The following TRIR variants were observed in gnomAD, a reference collection of about 807,000 sequenced individuals.
TRIR encodes the protein telomerase RNA component-interacting RNase.
In TRIR, 5 loss-of-function variants were observed where a neutral mutation model predicts 18.2. That is an observed-to-expected ratio of 0.27 (90% CI 0.14 to 0.58). The LOEUF is 0.58. Among genes scored for constraint, TRIR ranks in the 20% least tolerant of loss-of-function variants. TRIR has a pLI of 0.91. For missense variants in TRIR, 206 were observed against 252.8 expected, an observed-to-expected ratio of 0.81 and a Z score of 1.25; for synonymous variants, 134 against 114.4, an observed-to-expected ratio of 1.17 and a Z score of -1.10.
At chr19:12,733,901 C>T (rs1967480629) in intron 1 of TRIR, among the ~76,000 whole-genome samples, 1 of 152,176 alleles carries the variant, frequency 6.6e-6, no homozygotes, top group South Asian at 2.1e-4. Context: ...AAGCAATTGT[C>T]CTAGATAAGT....
intron 1 of TRIR, among the ~76,000 whole-genome samples, chr19:12,733,697 C>T (rs1967476162): frequency 6.6e-6 from 1 of 152,092 alleles, no homozygotes; most frequent in African/African-American, 2.4e-5. Context: ...TCATAAAACC[C>T]TCACCACATC....
In TRIR at chr19:12,731,180, G is replaced by A. The variant is rs75619212; in HGVS notation, c.424-112C>T. 8,106 of 1,280,492 alleles carry A rather than the reference G, an allele frequency of 6.3e-3. 375 individuals carry two copies. The African/African-American group carries it at 0.1, about 16-fold the overall frequency. The allele number at this position is 1,280,492 out of a possible 1,614,324, so 79.3% of individuals were successfully genotyped here. A position where few individuals can be genotyped will look rare whatever the true frequency, so the allele number is the denominator to read the frequency against. On this transcript the variant is annotated intron_variant, in intron 2 of 2. Transcript: ENST00000242784. This position sits in a 1 kb window ranked among gnomAD's most constrained non-coding sequence, Gnocchi z 5.1. ...ACCCAGAAGACTCTGGGTTTGAGCTGAAGATTATAAAGTCAAGTTATCTGG... is the reference window on the plus strand; with the variant it reads ...ACCCAGAAGACTCTGGGTTTGAGCTAAAGATTATAAAGTCAAGTTATCTGG...
Position 12,734,264 on chromosome 19 carries a change from G to T in TRIR, c.345+49C>A. 7.3e-7 allele frequency: 1 copy of T among 1,370,482 alleles called. No homozygotes were observed. The allele number at this position is 1,370,482 out of a possible 1,614,324, so 84.9% of individuals were successfully genotyped here. A position where few individuals can be genotyped will look rare whatever the true frequency, so the allele number is the denominator to read the frequency against. ...TCCCCCTTCACGGGCCCCGACTCCC[G>T]CTGCCAAGACAGGCCGTGGCGCCCG... is the stretch of plus-strand genomic sequence containing the variant. On this transcript the variant is annotated intron_variant, in intron 1 of 2. Transcript: ENST00000242784. The surrounding 1 kb of genome is among the most constrained non-coding windows in gnomAD (Gnocchi z 4.1).
At position 12,734,222 on chromosome 19, in the gene TRIR, G is replaced by A; in HGVS notation, c.345+91C>T. The A allele has an allele frequency of 8.1e-7, 1 of 1,241,956 alleles. No homozygotes were observed. Among genetic ancestry groups the A allele is most frequent in the Admixed American group, 3.9e-5 (1 of 25,782 alleles). 76.9% of individuals were successfully genotyped at this position (1,241,956 alleles called of 1,614,324 possible). A position where few individuals can be genotyped will look rare whatever the true frequency, so the allele number is the denominator to read the frequency against. ...ACGGGCCCCTCATTCAGAACGGAAA[G>A]TGGACTTCGGTCCCGATCCCCCTTC... On this transcript the variant is annotated intron_variant, in intron 1 of 2. Coordinates refer to ENST00000242784, the MANE Select transcript of TRIR (RefSeq NM_024038.4). The surrounding 1 kb of genome is among the most constrained non-coding windows in gnomAD (Gnocchi z 4.1).
chr19:12,731,703 G>A lies in TRIR; in HGVS notation c.346-282C>T. On this transcript the variant is annotated intron_variant, in intron 1 of 2. Transcript: ENST00000242784. This position sits in a 1 kb window ranked among gnomAD's most constrained non-coding sequence, Gnocchi z 5.1. ...CGCCAAGGCCTCACCCTCCCTAGCA[G>A]GGACCACAAGAGGTGGCAACAGCTC... 2.1e-6 allele frequency: 1 copy of A among 470,498 alleles called. No homozygotes were observed. Among genetic ancestry groups the A allele is most frequent in the East Asian group, 3.7e-5 (1 of 27,344 alleles). The allele number at this position is 470,498 out of a possible 1,614,324, so 29.1% of individuals were successfully genotyped here. A position where few individuals can be genotyped will look rare whatever the true frequency, so the allele number is the denominator to read the frequency against.
At position 12,734,428 on chromosome 19, in the gene TRIR, T is replaced by C; in HGVS notation, c.230A>G (p.Gln77Arg). 1 of 1,525,542 alleles carries C rather than the reference T, an allele frequency of 6.6e-7. No individual in the cohort carries two copies. Among genetic ancestry groups the C allele is most frequent in the Non-Finnish European group, 8.8e-7 (1 of 1,137,156 alleles). The allele number at this position is 1,525,542 out of a possible 1,614,324, so 94.5% of individuals were successfully genotyped here. A position where few individuals can be genotyped will look rare whatever the true frequency, so the allele number is the denominator to read the frequency against. ...ELFKRKMEEE[Q>R]RQRQEEPPPG... is the part of the protein sequence containing the mutation. The stretch of plus-strand genomic sequence containing the variant: ...GGGCGGCTCCTCCTGCCGCTGCCGC[T>C]GCTCCTCCTCCATCTTCCGCTTGAA... Residue 77 changes from glutamine to arginine, a missense_variant, in exon 1 of 3, where the codon CAG becomes CGG. Gln to Arg is a conservative substitution (Grantham distance 43). Transcript: ENST00000242784. The surrounding 1 kb of genome is among the most constrained non-coding windows in gnomAD (Gnocchi z 4.1).
At chr19:12,733,540 T>C (rs145868169) in intron 1 of TRIR, among the ~76,000 whole-genome samples, 2,376 of 152,224 alleles carry the variant, frequency 0.016, 37 homozygotes, top group Middle Eastern at 0.082. Flanking sequence ...TAGATGTCAC[T>C]AGCACCCCCT....
intron 1 of TRIR, among the ~76,000 whole-genome samples, chr19:12,732,896 G>T (rs1451938838): frequency 6.6e-6 from 1 of 151,938 alleles, no homozygotes; most frequent in Non-Finnish European, 1.5e-5. Flanking sequence ...GGCCTGCTGG[G>T]ATTATTTCAC....
In TRIR at chr19:12,730,891, G is replaced by T. The variant is rs999708749; in HGVS notation, c.*70C>A. 4.3e-5 allele frequency: 61 copies of T among 1,409,602 alleles called. No homozygotes were observed. Among genetic ancestry groups the T allele is most frequent in the Non-Finnish European group, 5.6e-5 (56 of 997,360 alleles). The allele number at this position is 1,409,602 out of a possible 1,614,324, so 87.3% of individuals were successfully genotyped here. A position where few individuals can be genotyped will look rare whatever the true frequency, so the allele number is the denominator to read the frequency against. ...AGTCCTCTCAGGGAAGGCTGTCGCC[G>T]CTGCCGCTGCATTAAATAGTTATGT... On this transcript the variant is annotated 3_prime_UTR_variant, in exon 3 of 3. Transcript: ENST00000242784.
In TRIR at chr19:12,734,320, A is replaced by C; in HGVS notation, c.338T>G (p.Leu113Arg). The C allele has an allele frequency of 1.4e-6, 2 of 1,417,534 alleles. No individual in the cohort carries two copies. Among genetic ancestry groups the C allele is most frequent in the South Asian group, 1.5e-5 (1 of 65,878 alleles). The allele number at this position is 1,417,534 out of a possible 1,614,324, so 87.8% of individuals were successfully genotyped here. A position where few individuals can be genotyped will look rare whatever the true frequency, so the allele number is the denominator to read the frequency against. ...ACCCCCACGGCTCCTTACGAAGCTAAGTGTGGAGCCCGGACCGCCCTTCCT... is the reference window on the plus strand; with the variant it reads ...ACCCCCACGGCTCCTTACGAAGCTACGTGTGGAGCCCGGACCGCCCTTCCT... ...PKRKGGPGST[L>R]SFVGKRRGGN... The change falls in exon 1 of 3, where the codon CTT becomes CGT. Residue 113 changes from leucine to arginine, a missense_variant. Physicochemically the swap from Leu to Arg is moderately radical, Grantham distance 102. Transcript: ENST00000242784. The surrounding 1 kb of genome is among the most constrained non-coding windows in gnomAD (Gnocchi z 4.1).
chr19:12,733,657 C>G (rs1967475226), intron 1 of TRIR, among the ~76,000 whole-genome samples: 1 of 152,180 alleles, frequency 6.6e-6, no homozygotes, highest in Admixed American at 6.5e-5. Context: ...GGAAGACAGG[C>G]TCTGTGCTAA....
In TRIR at chr19:12,731,544, G is replaced by A. The variant is rs749528565; in HGVS notation, c.346-123C>T. The A allele has an allele frequency of 2.9e-5, 30 of 1,031,180 alleles. No homozygotes were observed. The highest frequency in any genetic ancestry group is 5.5e-5 in the Admixed American group (2 of 36,692). The allele number at this position is 1,031,180 out of a possible 1,614,324, so 63.9% of individuals were successfully genotyped here. ...CCGTCCTGACGCCGCGCCCAGCTCC[G>A]CCAGCCGGCCGACCTGCGCAGCAAT... On this transcript the variant is annotated intron_variant, in intron 1 of 2. Transcript: ENST00000242784. This position sits in a 1 kb window ranked among gnomAD's most constrained non-coding sequence, Gnocchi z 5.1.
chr19:12,734,492 C>T lies in TRIR; in HGVS notation c.166G>A (p.Val56Met), dbSNP rs1333610103. Residue 56 changes from valine to methionine, a missense_variant, in exon 1 of 3, where the codon GTG (valine) becomes ATG (methionine). Around this residue, in one of 2 missense-constraint regions of TRIR, gnomAD observed 172 missense variants for 165.0 expected, o/e 1.04. Coordinates refer to ENST00000242784, the MANE Select transcript of TRIR (RefSeq NM_024038.4). This position sits in a 1 kb window ranked among gnomAD's most constrained non-coding sequence, Gnocchi z 4.1. Reference protein sequence around the residue: ...GAGSSPVSGGVNLFANDGSFL... With the variant: ...GAGSSPVSGGMNLFANDGSFL... ...CTGCCGTCGTTGGCGAACAAGTTCACGCCGCCCGACACCGGGCTCGAACCC... is the reference window on the plus strand; with the variant it reads ...CTGCCGTCGTTGGCGAACAAGTTCATGCCGCCCGACACCGGGCTCGAACCC... 2 of 1,535,716 alleles carry T rather than the reference C, an allele frequency of 1.3e-6. No homozygotes were observed. Among genetic ancestry groups the T allele is most frequent in the South Asian group, 2.4e-5 (2 of 82,566 alleles).
At position 12,730,909 on chromosome 19, in the gene TRIR, A is replaced by G; in HGVS notation, c.*52T>C. On this transcript the variant is annotated 3_prime_UTR_variant, in exon 3 of 3. Coordinates refer to ENST00000242784, the MANE Select transcript of TRIR (RefSeq NM_024038.4). The stretch of plus-strand genomic sequence containing the variant: ...TGTCGCCGCTGCCGCTGCATTAAAT[A>G]GTTATGTACATCGCAGAGAGTCCCA... 6.6e-7 allele frequency: 1 copy of G among 1,511,202 alleles called. No homozygotes were observed. The highest frequency in any genetic ancestry group is 9.2e-7 in the Non-Finnish European group (1 of 1,087,216). 93.6% of individuals were successfully genotyped at this position (1,511,202 alleles called of 1,614,324 possible).
rs541717367 is a variant in TRIR at position 12,734,511 on chromosome 19, C to A, written c.147G>T (p.Ser49=). ...SGDEEVSGAG[S]SPVSGGVNLF... ...AGTTCACGCCGCCCGACACCGGGCT[C>A]GAACCCGCGCCCGACACCTCCTCGT... Residue 49 remains serine (S), a synonymous_variant, in exon 1 of 3, where the codon TCG becomes TCT. Transcript: ENST00000242784. This position sits in a 1 kb window ranked among gnomAD's most constrained non-coding sequence, Gnocchi z 4.1. 2.5e-5 allele frequency: 38 copies of A among 1,535,732 alleles called. No homozygotes were observed. The highest frequency in any genetic ancestry group is 3.0e-5 in the Non-Finnish European group (34 of 1,143,708).
chr19:12,730,786 G>C lies in TRIR; in HGVS notation c.*175C>G. 1 of 624,382 alleles carries C rather than the reference G, an allele frequency of 1.6e-6. No individual in the cohort carries two copies. The highest frequency in any genetic ancestry group is 2.8e-6 in the Non-Finnish European group (1 of 351,462). The allele number at this position is 624,382 out of a possible 1,614,324, so 38.7% of individuals were successfully genotyped here. A position where few individuals can be genotyped will look rare whatever the true frequency, so the allele number is the denominator to read the frequency against. ...ACCACTGTTCTATGAAGTCTCACGA[G>C]GCAAGTGCTCAAGGTAAAAAAAGAG... On this transcript the variant is annotated 3_prime_UTR_variant, in exon 3 of 3. Transcript: ENST00000242784.
intron 1 of TRIR, among the ~76,000 whole-genome samples, chr19:12,732,214 A>T (rs1467776904): frequency 6.6e-6 from 1 of 152,016 alleles, no homozygotes; most frequent in African/African-American, 2.4e-5. Flanking sequence ...TGCTAACAAC[A>T]AACAATGGAG....
At chr19:12,733,211 C>T (rs971600968) in intron 1 of TRIR, among the ~76,000 whole-genome samples, 4 of 152,138 alleles carry the variant, frequency 2.6e-5, no homozygotes, top group Non-Finnish European at 4.4e-5. Context: ...ACCCAACCCA[C>T]GCCCATTTTT....
intron 1 of TRIR, among the ~76,000 whole-genome samples, chr19:12,732,073 G>A (rs1057034159): frequency 1.4e-5 from 2 of 141,610 alleles, no homozygotes; most frequent in African/African-American, 2.7e-5. Flanking sequence ...GCAGTGAGCC[G>A]AGGTTGCACC....
Sources: allele counts gnomAD v4.1 joint callset (sites outside exome capture counted in the v4.1 genomes callset), GRCh38; gene constraint gnomAD v4.1.1; regional missense constraint gnomAD v4.1.1; non-coding constraint Gnocchi (gnomAD v3.1); transcripts MANE v1.5; gene names NCBI Gene and HGNC (gene_info 2026-07-23, HGNC 2026-07-21).